The following ZNF804B variants were observed in gnomAD, a reference collection of about 807,000 sequenced individuals.
The protein encoded by ZNF804B is zinc finger 804B.
In ZNF804B, 80 loss-of-function variants were observed where a neutral mutation model predicts 101.4. The observed-to-expected ratio is 0.79, with a 90% CI of 0.66 to 0.95. The LOEUF is 0.95. Ranked by LOEUF, ZNF804B falls within the 40% of genes least tolerant of loss-of-function variation. The probability of loss-of-function intolerance (pLI) is 0.00; values close to 1 mark genes in which losing one functional copy is unlikely to be tolerated. For missense variants in ZNF804B, 1,673 were observed against 1,561.9 expected, an observed-to-expected ratio of 1.07 and a Z score of -1.20; for synonymous variants, 622 against 558.8, an observed-to-expected ratio of 1.11 and a Z score of -1.59.
intron 1 of ZNF804B, chr7:88,794,650 T>C (rs755441652): frequency 1.9e-6 from 3 of 1,613,700 alleles, no homozygotes; most frequent in African/African-American, 1.3e-5. Context: ...CTCGAGGATA[T>C]GCAGAATGGA....
intron 1 of ZNF804B, among the ~76,000 whole-genome samples, chr7:88,988,591 A>G (rs911673506): frequency 6.6e-6 from 1 of 152,134 alleles, no homozygotes; most frequent in Non-Finnish European, 1.5e-5. Context: ...TCTTTTGAGA[A>G]GGATTATGTC....
intron 1 of ZNF804B, among the ~76,000 whole-genome samples, chr7:89,019,768 A>G (rs535509640): frequency 4.2e-4 from 64 of 152,102 alleles, no homozygotes; most frequent in Non-Finnish European, 7.2e-4. Flanking sequence ...AGTCTGTTTT[A>G]GTATAGCTAC....
intron 1 of ZNF804B, among the ~76,000 whole-genome samples, chr7:89,076,232 TC>T (rs1264474767): frequency 4.6e-5 from 7 of 152,146 alleles, no homozygotes; most frequent in Non-Finnish European, 4.4e-5. Context: ...TTTGGCTGCA[TC>T]CCCACCCAAA....
At chr7:88,996,275 T>C (rs553079151) in intron 1 of ZNF804B, among the ~76,000 whole-genome samples, 104 of 152,232 alleles carry the variant, frequency 6.8e-4, no homozygotes, top group Admixed American at 2.0e-3. Context: ...TGCATAGAAA[T>C]AGTGACCCTA....
At chr7:89,225,106 C>T (rs1284853651) in intron 2 of ZNF804B, among the ~76,000 whole-genome samples, 1 of 151,974 alleles carries the variant, frequency 6.6e-6, no homozygotes, top group East Asian at 1.9e-4. Context: ...TTAGATGTCA[C>T]CTCTTCAGTA....
chr7:88,953,582 A>G, intron 1 of ZNF804B, among the ~76,000 whole-genome samples: 1 of 151,764 alleles, frequency 6.6e-6, no homozygotes, highest in South Asian at 2.1e-4. Context: ...TTCATTGTTT[A>G]GATAATTTTA....
At chr7:88,935,244 A>C (rs1562836695) in intron 1 of ZNF804B, among the ~76,000 whole-genome samples, 1 of 151,886 alleles carries the variant, frequency 6.6e-6, no homozygotes, top group Non-Finnish European at 1.5e-5. Flanking sequence ...GTGAAGGCAT[A>C]AGAATGATAC....
intron 1 of ZNF804B, among the ~76,000 whole-genome samples, chr7:89,152,587 T>G (rs1041919217): frequency 1.3e-5 from 2 of 152,156 alleles, no homozygotes; most frequent in African/African-American, 4.8e-5. Context: ...GTTTCAGTTT[T>G]AGGTGATTCA....
At chr7:88,832,547 T>C (rs952862371) in intron 1 of ZNF804B, among the ~76,000 whole-genome samples, 2 of 151,980 alleles carry the variant, frequency 1.3e-5, no homozygotes, top group Non-Finnish European at 2.9e-5. Context: ...TTTGTTTGTT[T>C]GTTTTTCCTT....
intron 1 of ZNF804B, among the ~76,000 whole-genome samples, chr7:89,168,726 A>G (rs998407952): frequency 2.2e-5 from 3 of 138,814 alleles, no homozygotes; most frequent in African/African-American, 8.3e-5. Context: ...GCTCATGCTC[A>G]AAGTGGAGTT....
chr7:88,964,789 ACTG>A (rs1793432011), intron 1 of ZNF804B, among the ~76,000 whole-genome samples: 1 of 151,458 alleles, frequency 6.6e-6, no homozygotes, highest in Admixed American at 6.6e-5. Flanking sequence ...TTTCTGTACT[ACTG>A]TGGGAGCAAA....
intron 1 of ZNF804B, among the ~76,000 whole-genome samples, chr7:89,057,352 G>T (rs1017810705): frequency 6.6e-6 from 1 of 151,992 alleles, no homozygotes; most frequent in Non-Finnish European, 1.5e-5. Context: ...AAAGTGGCAT[G>T]CAATTCTTAT....
chr7:89,063,118 AT>A lies in ZNF804B; in HGVS notation c.109-155035del, dbSNP rs1789402872. 2.6e-5 allele frequency among the ~76,000 whole-genome samples: 4 copies of A among 152,266 alleles called. No individual in the cohort carries two copies. In the South Asian group the frequency reaches 8.3e-4, roughly 31 times the overall value. ...ACATGAAAGTAAGTATATTGTAAGTATTAGCAATCGTTATTATTTGTTCAAC... is the reference window on the plus strand; with the variant it reads ...ACATGAAAGTAAGTATATTGTAAGTATAGCAATCGTTATTATTTGTTCAAC... On this transcript the variant is annotated intron_variant, in intron 1 of 3. Transcript: ENST00000333190.
chr7:89,261,572 G>A (rs1562930527), intron 2 of ZNF804B, among the ~76,000 whole-genome samples: 1 of 152,094 alleles, frequency 6.6e-6, no homozygotes, highest in Non-Finnish European at 1.5e-5. Flanking sequence ...GAAATGTGTT[G>A]TTAGGCAGTT....
rs138451726 is a variant in ZNF804B, at chr7:89,026,536, C to G, written c.109-191619C>G. On this transcript the variant is annotated intron_variant, in intron 1 of 3. Transcript: ENST00000333190. ...CAGGAAGACAAACTGGAAACTATTC[C>G]AAAAATTTGGTTATGAAATAATGGT... 1.9e-3 allele frequency among the ~76,000 whole-genome samples: 290 copies of G among 152,134 alleles called. 3 individuals carry two copies. Among genetic ancestry groups the G allele is most frequent in the Non-Finnish European group, 1.3e-3 (85 of 67,988 alleles).
chr7:88,830,461 T>C (rs1175489559), intron 1 of ZNF804B, among the ~76,000 whole-genome samples: 1 of 152,072 alleles, frequency 6.6e-6, no homozygotes, highest in Non-Finnish European at 1.5e-5. Flanking sequence ...TTTCAACATA[T>C]TGGGCTCCTA....
chr7:89,175,977 C>T (rs1323294115), intron 1 of ZNF804B, among the ~76,000 whole-genome samples: 1 of 151,784 alleles, frequency 6.6e-6, no homozygotes, highest in East Asian at 1.9e-4. Flanking sequence ...TTAGATTTTT[C>T]CCAAATATAA....
intron 1 of ZNF804B, among the ~76,000 whole-genome samples, chr7:89,115,405 G>A (rs1276834947): frequency 6.6e-6 from 1 of 152,168 alleles, no homozygotes; most frequent in African/African-American, 2.4e-5. Context: ...TCATTGTTTG[G>A]TGTCCTGAAG....
intron 2 of ZNF804B, among the ~76,000 whole-genome samples, chr7:89,228,728 G>T (rs1266424364): frequency 3.9e-5 from 6 of 152,224 alleles, no homozygotes; most frequent in African/African-American, 1.4e-4. Flanking sequence ...ACACCGGGGT[G>T]CAGGTGGAGC....
Sources: gnomAD v4.1 joint callset for allele counts (sites outside exome capture counted in the v4.1 genomes callset) on GRCh38, gnomAD v4.1.1 for gene constraint, MANE v1.5 for transcripts, NCBI Gene and HGNC (gene_info 2026-07-23, HGNC 2026-07-21) for gene names.